Variants in DNAH7 observed in about 807,000 individuals in gnomAD.
DNAH7 encodes the protein axonemal beta dynein heavy chain 7.
DNAH7 carries 397 observed loss-of-function variants against 444.6 expected under a neutral mutation model. The observed-to-expected ratio is 0.89, with a 90% confidence interval of 0.82 to 0.97. The LOEUF (loss-of-function observed/expected upper bound fraction) is 0.97. Ranked by LOEUF, DNAH7 falls within the 50% of genes least tolerant of loss-of-function variation. The pLI is 0.00. For synonymous variants in DNAH7, 1,636 were observed against 1,624.4 expected (o/e 1.01, Z -0.17); for missense variants, 4,902 against 4,800.8 (o/e 1.02, Z -0.62).
At chr2:195,955,773 T>C (rs1053383504) in intron 19 of DNAH7, among the ~76,000 whole-genome samples, 1 of 152,178 alleles carries the variant, frequency 6.6e-6, no homozygotes, top group African/African-American at 2.4e-5. Flanking sequence ...ACTAAAAGAA[T>C]ACAAGTATCT....
chr2:195,777,627 C>A (rs1339367294), intron 59 of DNAH7, among the ~76,000 whole-genome samples, 173 bp downstream of exon 59: 1 of 152,080 alleles, frequency 6.6e-6, no homozygotes, highest in Non-Finnish European at 1.5e-5. Flanking sequence ...ACAGGAAACC[C>A]CTAACTCCAC....
At chr2:195,990,984 T>C (rs1432313135) in intron 12 of DNAH7, among the ~76,000 whole-genome samples, 1 of 134,632 alleles carries the variant, frequency 7.4e-6, no homozygotes, top group East Asian at 2.2e-4. Context: ...TATATATATA[T>C]ATGCTTAAGT....
rs116916691 is a variant in DNAH7 at position 195,886,314 on chromosome 2, G to C, written c.5407-42C>G. The C allele has an allele frequency of 2.1e-3, 3,316 of 1,564,268 alleles. 73 individuals carry two copies. In the Admixed American group the frequency reaches 0.038, roughly 18 times the overall value. ...AAAAATGACTAAACAATTTAAATTAGGTAATAGCTAAAATAGCCCCAGCTA... is the reference window on the plus strand; with the variant it reads ...AAAAATGACTAAACAATTTAAATTACGTAATAGCTAAAATAGCCCCAGCTA... On this transcript the variant is annotated intron_variant, in intron 33 of 64. Coordinates refer to ENST00000312428, the MANE Select transcript of DNAH7 (RefSeq NM_018897.3).
Position 195,910,042 on chromosome 2 carries a change from C to T in DNAH7, c.4089G>A (p.Leu1363=), listed in dbSNP as rs757248157. The change falls in exon 25 of 65, where the codon TTG becomes TTA. Residue 1363 remains leucine, a synonymous_variant. Coordinates refer to ENST00000312428, the MANE Select transcript of DNAH7 (RefSeq NM_018897.3). ...TAATTCAAACCTTAAAGAATTTTCCCAAAGCCAAATAATCCAACCCATCAG... is the reference window on the plus strand; with the variant it reads ...TAATTCAAACCTTAAAGAATTTTCCTAAAGCCAAATAATCCAACCCATCAG... ...NCSDGLDYLA[L]GKFFKGLLSC... The T allele has an allele frequency of 1.9e-6, 3 of 1,611,342 alleles. No homozygotes were observed. In the East Asian group the frequency reaches 6.7e-5, roughly 36 times the overall value.
At chr2:196,048,254 C>T in intron 4 of DNAH7, 42 bp downstream of exon 4, 1 of 1,512,028 alleles carries the variant, frequency 6.6e-7, no homozygotes. Context: ...TCTCTCTCTA[C>T]AAATTATCCT....
At chr2:196,032,058 AACTT>A (rs1696091473) in intron 5 of DNAH7, among the ~76,000 whole-genome samples, 2 of 152,222 alleles carry the variant, frequency 1.3e-5, no homozygotes, top group Admixed American at 6.5e-5. Flanking sequence ...GGTTTAATAG[AACTT>A]ACAGTTCCAC....
At chr2:195,941,941 G>A (rs185173591) in intron 19 of DNAH7, among the ~76,000 whole-genome samples, 127 of 152,186 alleles carry the variant, frequency 8.3e-4, no homozygotes, top group Non-Finnish European at 1.2e-4. Flanking sequence ...AATAATTCAA[G>A]CATCAATCTC....
chr2:195,881,279 A>C (rs921827031), intron 36 of DNAH7, among the ~76,000 whole-genome samples: 3 of 152,198 alleles, frequency 2.0e-5, no homozygotes, highest in African/African-American at 7.2e-5. Context: ...AGCTACAATC[A>C]AAGAGGGGCC....
chr2:195,740,613 GTGTA>G (rs1403192939), intron 64 of DNAH7, among the ~76,000 whole-genome samples, 149 bp downstream of exon 64: 16 of 70,120 alleles, frequency 2.3e-4, no homozygotes, highest in African/African-American at 5.3e-4. Flanking sequence ...GTGTGTGTGT[GTGTA>G]TATATATATA....
At chr2:195,810,580 T>G (rs1467469290) in intron 51 of DNAH7, among the ~76,000 whole-genome samples, 2 of 151,490 alleles carry the variant, frequency 1.3e-5, no homozygotes, top group Non-Finnish European at 2.9e-5. Context: ...CCTGGCTAAT[T>G]TTGGCAATGT....
intron 49 of DNAH7, among the ~76,000 whole-genome samples, chr2:195,822,760 G>A (rs780360824): frequency 6.6e-5 from 10 of 152,140 alleles, no homozygotes; most frequent in Non-Finnish European, 1.2e-4. Flanking sequence ...ATGTGCGATA[G>A]TTCCACGTAT....
chr2:195,864,208 G>T lies in DNAH7; in HGVS notation c.7447C>A (p.Arg2483=), dbSNP rs371228750. 4.3e-5 allele frequency: 69 copies of T among 1,614,036 alleles called. No individual in the cohort carries two copies. Among genetic ancestry groups the T allele is most frequent in the East Asian group, 4.0e-4 (18 of 44,888 alleles). ...LAMSPIGDAF[R]NRLRKFPALV... ...GCAGGGAACTTTCTAAGACGATTCC[G>T]AAATGCATCTCCAATGGGACTCATG... Residue 2483 remains arginine, a synonymous_variant, in exon 41 of 65, where the codon CGG becomes AGG. Coordinates refer to ENST00000312428, the MANE Select transcript of DNAH7 (RefSeq NM_018897.3).
chr2:195,972,209 AGAAAAT>A (rs1691892334), intron 16 of DNAH7, 27 bp downstream of exon 16: 1 of 1,558,458 alleles, frequency 6.4e-7, no homozygotes, highest in African/African-American at 1.4e-5. Context: ...AAACATTTCC[AGAAAAT>A]GAAAATAAAA....
chr2:195,950,457 C>T (rs774736996), intron 19 of DNAH7, among the ~76,000 whole-genome samples: 3 of 151,874 alleles, frequency 2.0e-5, no homozygotes, highest in Non-Finnish European at 4.4e-5. Flanking sequence ...TGGTGATATC[C>T]CCTTTATCAT....
intron 12 of DNAH7, chr2:195,995,612 C>G: frequency 3.5e-6 from 1 of 288,488 alleles, no homozygotes; most frequent in South Asian, 3.3e-5. Flanking sequence ...GAGAGGGGAC[C>G]CGGAGGGCCA....
chr2:195,905,222 A>G (rs1305420867), intron 27 of DNAH7: 3 of 152,194 alleles, frequency 2.0e-5, no homozygotes, highest in Admixed American at 6.6e-5. Flanking sequence ...AAATTTACAT[A>G]TTCAGATTGA....
At chr2:195,995,152 T>G in intron 12 of DNAH7, 1 of 300,418 alleles carries the variant, frequency 3.3e-6, no homozygotes. Context: ...ATGGTCTTGA[T>G]CTCTTGACCT....
At chr2:195,838,690 G>A (rs2124980323) in intron 47 of DNAH7, among the ~76,000 whole-genome samples, 1 of 151,918 alleles carries the variant, frequency 6.6e-6, no homozygotes, top group Admixed American at 6.6e-5. Flanking sequence ...CTGTCTACAA[G>A]ATACCCACTT....
rs773996384 is a variant in DNAH7 at position 196,026,891 on chromosome 2, G to A, written c.536C>T (p.Pro179Leu). ...HHGIDTDHVA[P>L]MEDSWLEHVL... The stretch of plus-strand genomic sequence containing the variant: ...GTGTTCTAGCCAAGAATCTTCCATT[G>A]GGGCTACATGGTCTGTATCAATTCC... Residue 179 changes from proline (P) to leucine (L), a missense_variant, in exon 7 of 65, where the codon CCA (proline) becomes CTA (leucine). Coordinates refer to ENST00000312428, the MANE Select transcript of DNAH7 (RefSeq NM_018897.3). 4.3e-6 allele frequency: 7 copies of A among 1,612,038 alleles called. No homozygotes were observed. The African/African-American group carries it at 6.7e-5, about 15-fold the overall frequency.
Sources: gnomAD v4.1 joint callset for allele counts (sites outside exome capture counted in the v4.1 genomes callset) on GRCh38, gnomAD v4.1.1 for gene constraint, MANE v1.5 for transcripts, NCBI Gene and HGNC (gene_info 2026-07-23, HGNC 2026-07-21) for gene names.